LINGO1: variants seen among roughly 807,000 people sequenced by gnomAD.
The protein encoded by LINGO1 is leucine rich repeat and Ig domain containing 1.
LINGO1 carries 11 observed loss-of-function variants against 37.3 expected under a neutral mutation model. That is an observed-to-expected ratio of 0.29 (90% confidence interval 0.19 to 0.49). The LOEUF is 0.49. Among genes scored for constraint, LINGO1 ranks in the 20% least tolerant of loss-of-function variants. The pLI, the probability that LINGO1 is intolerant of heterozygous loss-of-function variation, is 0.99. For missense variants in LINGO1, 585 were observed against 878.2 expected, an observed-to-expected ratio of 0.67 and a Z score of 4.22; for synonymous variants, 387 against 403.0, an observed-to-expected ratio of 0.96 and a Z score of 0.48.
At chr15:77,718,959 G>A (rs982653901) in intron 2 of LINGO1, among the ~76,000 whole-genome samples, 1 of 150,700 alleles carries the variant, frequency 6.6e-6, no homozygotes, top group African/African-American at 2.4e-5. Context: ...GGGCTGGGGT[G>A]GAGGGAACTG....
chr15:77,714,253 C>T (rs2075956272), intron 2 of LINGO1, among the ~76,000 whole-genome samples: 1 of 152,168 alleles, frequency 6.6e-6, no homozygotes, highest in Non-Finnish European at 1.5e-5. Flanking sequence ...GTCTGCCACC[C>T]CCATCACCAT....
chr15:77,738,747 T>TGAAGGAAGGAAGGAAGGAAGGAAG (rs1166793124), intron 1 of LINGO1, among the ~76,000 whole-genome samples: 3 of 110,832 alleles, frequency 2.7e-5, no homozygotes, highest in African/African-American at 1.0e-4. Flanking sequence ...ACATATTTGC[T>TGAAGGAAGGAAGGAAGGAAGGAAG]GAAGGAAGGA....
intron 1 of LINGO1, among the ~76,000 whole-genome samples, chr15:77,801,223 GA>G (rs1489639221): frequency 6.6e-6 from 1 of 152,184 alleles, no homozygotes; most frequent in Non-Finnish European, 1.5e-5. Context: ...GATGCTCACG[GA>G]AACATTGCTG....
At chr15:77,695,789 G>A (rs530684402) in intron 1 of LINGO1, among the ~76,000 whole-genome samples, 4 of 152,350 alleles carry the variant, frequency 2.6e-5, no homozygotes, top group African/African-American at 9.6e-5. Context: ...GTGTTCCCGA[G>A]GCCGGCTGGC....
At chr15:77,713,031 GT>G (rs1346577634) in intron 2 of LINGO1, among the ~76,000 whole-genome samples, 1 of 152,032 alleles carries the variant, frequency 6.6e-6, no homozygotes, top group African/African-American at 2.4e-5. Context: ...TGGGGTTTTG[GT>G]TTTTTGTTTG....
intron 1 of LINGO1, among the ~76,000 whole-genome samples, chr15:77,805,641 C>T (rs2076953471): frequency 6.6e-6 from 1 of 152,122 alleles, no homozygotes; most frequent in Admixed American, 6.5e-5. Flanking sequence ...GCAGGGCTTC[C>T]AAACTGGTGG....
chr15:77,811,917 G>C (rs1391922275), intron 1 of LINGO1, among the ~76,000 whole-genome samples: 1 of 150,708 alleles, frequency 6.6e-6, no homozygotes, highest in Admixed American at 6.7e-5. Context: ...CTACTTTTTC[G>C]TATGTCTGAA....
intron 2 of LINGO1, among the ~76,000 whole-genome samples, chr15:77,733,603 G>C (rs886143948): frequency 6.6e-6 from 1 of 152,146 alleles, no homozygotes; most frequent in African/African-American, 2.4e-5. Context: ...CCTACCTCGC[G>C]ACCGAGGCCT....
upstream of LINGO1, among the ~76,000 whole-genome samples, chr15:77,700,676 A>G (rs1327984455): frequency 6.6e-6 from 1 of 152,156 alleles, no homozygotes; most frequent in African/African-American, 2.4e-5. Context: ...TATTACTCCA[A>G]GTGTTTTTCA....
At chr15:77,673,778 C>G (rs904664606) in intron 3 of LINGO1, among the ~76,000 whole-genome samples, 4 of 152,138 alleles carry the variant, frequency 2.6e-5, no homozygotes, top group African/African-American at 9.7e-5. Flanking sequence ...TCACATACAT[C>G]CACCTGTCAA....
chr15:77,791,286 G>T (rs2076816549), upstream of LINGO1, among the ~76,000 whole-genome samples: 1 of 152,152 alleles, frequency 6.6e-6, no homozygotes, highest in South Asian at 2.1e-4. Context: ...TCATGACATT[G>T]CTGAGTTGGG....
chr15:77,729,244 G>A (rs764641933), intron 2 of LINGO1, among the ~76,000 whole-genome samples: 18 of 152,212 alleles, frequency 1.2e-4, no homozygotes, highest in Non-Finnish European at 4.4e-5. Flanking sequence ...GGCTAAGGAA[G>A]GGGATGCAAA....
chr15:77,664,174 CGCGCGCAT>C (rs2075074827), intron 3 of LINGO1, among the ~76,000 whole-genome samples: 1 of 100,380 alleles, frequency 1.0e-5, no homozygotes, highest in African/African-American at 3.7e-5. Flanking sequence ...TGTGTGTGCG[CGCGCGCAT>C]GCGTTTGCAT....
chr15:77,671,300 G>A (rs2075244079), intron 3 of LINGO1, among the ~76,000 whole-genome samples: 1 of 152,204 alleles, frequency 6.6e-6, no homozygotes, highest in African/African-American at 2.4e-5. Context: ...GGAGAAGAGG[G>A]AGAAGGTAGA....
At chr15:77,795,833 A>G (rs1487577501) in intron 2 of LINGO1, 2 of 152,320 alleles carry the variant, frequency 1.3e-5, no homozygotes, top group African/African-American at 4.8e-5. Context: ...ACGTGGCTGC[A>G]TGTGGGGAGG....
intron 1 of LINGO1, among the ~76,000 whole-genome samples, chr15:77,759,313 G>A (rs2076451363): frequency 6.6e-6 from 1 of 152,190 alleles, no homozygotes; most frequent in Admixed American, 6.5e-5. Flanking sequence ...TGGAGGAGCG[G>A]TGTGGACTGG....
intron 3 of LINGO1, among the ~76,000 whole-genome samples, chr15:77,659,494 T>A (rs2074940837): frequency 6.6e-6 from 1 of 152,154 alleles, no homozygotes; most frequent in Non-Finnish European, 1.5e-5. Context: ...CTTAAGGCCA[T>A]CTGACCAGAA....
chr15:77,630,385 G>A (rs909569776), intron 1 of LINGO1, among the ~76,000 whole-genome samples: 5 of 152,182 alleles, frequency 3.3e-5, no homozygotes, highest in Non-Finnish European at 7.3e-5. Context: ...CAGGGATCCC[G>A]TCTAGCCTCA....
chr15:77,690,181 C>T (rs147783831), intron 2 of LINGO1, among the ~76,000 whole-genome samples: 186 of 152,306 alleles, frequency 1.2e-3, no homozygotes, highest in African/African-American at 4.1e-3. Context: ...TTCCTGGTAA[C>T]ATGGTTGGGG....
Sources: allele counts gnomAD v4.1 joint callset (sites outside exome capture counted in the v4.1 genomes callset), GRCh38; gene constraint gnomAD v4.1.1; transcripts MANE v1.5; gene names NCBI Gene and HGNC (gene_info 2026-07-23, HGNC 2026-07-21).